DNAH7: variants seen among roughly 807,000 people sequenced by gnomAD.
The protein encoded by DNAH7 is axonemal beta dynein heavy chain 7.
A neutral mutation model predicts 444.6 loss-of-function variants in DNAH7; 397 were observed. That is an observed-to-expected ratio of 0.89 (90% CI 0.82 to 0.97). DNAH7 has a LOEUF of 0.97. DNAH7 is among the 50% of genes least tolerant of loss of function. The pLI is 0.00. For synonymous variants in DNAH7, 1,636 were observed against 1,624.4 expected, an observed-to-expected ratio of 1.01 and a Z score of -0.17; for missense variants, 4,902 against 4,800.8, an observed-to-expected ratio of 1.02 and a Z score of -0.62.
At chr2:195,837,582 A>T (rs1698438808) in intron 47 of DNAH7, among the ~76,000 whole-genome samples, 1 of 152,138 alleles carries the variant, frequency 6.6e-6, no homozygotes, top group Admixed American at 6.6e-5. Context: ...CAATAACTCA[A>T]AATAAGTAAC....
intron 61 of DNAH7, among the ~76,000 whole-genome samples, chr2:195,756,755 G>A (rs111253054): frequency 2.0e-5 from 3 of 152,202 alleles, no homozygotes; most frequent in East Asian, 3.9e-4. Context: ...GGACTTTGGG[G>A]CCGAGGCAGG....
At chr2:195,977,242 T>A (rs1692271481) in intron 15 of DNAH7, among the ~76,000 whole-genome samples, 1 of 152,140 alleles carries the variant, frequency 6.6e-6, no homozygotes, top group Admixed American at 6.5e-5. Context: ...CTCTTTGAAA[T>A]TCAAGATAAC....
In DNAH7 at chr2:195,787,013, A is replaced by G. The variant is rs1695653204; in HGVS notation, c.10875T>C (p.Tyr3625=). The part of the protein sequence containing the change: ...VQQLHMFLNQ[Y]EELPYEALRY... ...CTTGCTGTGATTTTTATGATACCTC[A>G]TACTGGTTCAGGAACATGTGGAGCT... The change falls in exon 58 of 65, where the codon TAT becomes TAC. Residue 3625 remains tyrosine, a synonymous_variant. Transcript: ENST00000312428. 4.4e-6 allele frequency: 7 copies of G among 1,580,634 alleles called. No homozygotes were observed. Among genetic ancestry groups the G allele is most frequent in the Non-Finnish European group, 6.0e-6 (7 of 1,168,152 alleles).
At chr2:195,836,041 G>A (rs745874025) in intron 47 of DNAH7, among the ~76,000 whole-genome samples, 5 of 152,140 alleles carry the variant, frequency 3.3e-5, no homozygotes, top group Non-Finnish European at 7.4e-5. Flanking sequence ...GTTTCAGCAG[G>A]TTTGGTTTTT....
At chr2:196,028,704 G>C (rs11901422) in intron 5 of DNAH7, among the ~76,000 whole-genome samples, 2,713 of 152,286 alleles carry the variant, frequency 0.018, 73 homozygotes, top group African/African-American at 0.061. Flanking sequence ...ATAAGTTGTT[G>C]TGGGATAGCT....
intron 58 of DNAH7, among the ~76,000 whole-genome samples, chr2:195,779,572 C>A (rs115006419): frequency 0.017 from 2,553 of 151,882 alleles, 68 homozygotes; most frequent in African/African-American, 0.058. Context: ...TTTAAACTAG[C>A]CTCCTATCTA....
intron 15 of DNAH7, among the ~76,000 whole-genome samples, chr2:195,983,673 T>C (rs1343779489): frequency 6.6e-6 from 1 of 152,082 alleles, no homozygotes; most frequent in Non-Finnish European, 1.5e-5. Context: ...TCAAACTATA[T>C]CAACTTCAAA....
chr2:196,048,475 G>C, intron 3 of DNAH7, 71 bp from the exon 4 acceptor site: 2 of 1,270,714 alleles, frequency 1.6e-6, no homozygotes, highest in Non-Finnish European at 2.3e-6. Flanking sequence ...AAATGCACGA[G>C]TGTTTATAAA....
intron 62 of DNAH7, among the ~76,000 whole-genome samples, chr2:195,754,880 A>T (rs1028952920): frequency 2.0e-5 from 3 of 152,210 alleles, no homozygotes; most frequent in Non-Finnish European, 4.4e-5. Flanking sequence ...TGTCTTTTAG[A>T]TAAACTAACA....
At chr2:196,048,163 T>C (rs781462656) in intron 4 of DNAH7, 133 bp downstream of exon 4, 57 of 638,052 alleles carry the variant, frequency 8.9e-5, no homozygotes, top group Non-Finnish European at 1.3e-4. Flanking sequence ...GGAAGATGTA[T>C]TGGGAAAATT....
In DNAH7 at chr2:195,936,808, A is replaced by T; in HGVS notation, c.3079-16T>A. 1 of 1,479,654 alleles carries T rather than the reference A, an allele frequency of 6.8e-7. No homozygotes were observed. The highest frequency in any genetic ancestry group is 9.0e-7 in the Non-Finnish European group (1 of 1,114,448). 91.7% of individuals were successfully genotyped at this position (1,479,654 alleles called of 1,614,324 possible). A position where few individuals can be genotyped will look rare whatever the true frequency, so the allele number is the denominator to read the frequency against. On this transcript the variant is annotated splice_polypyrimidine_tract_variant and intron_variant, in intron 19 of 64. Transcript: ENST00000312428. ...CATGTTTATCCTAAAAATAAAAATA[A>T]AAAACACTCAATTCAAAAATATTAG...
At chr2:196,019,099 A>G in intron 9 of DNAH7, 71 bp downstream of exon 9, 2 of 1,321,612 alleles carry the variant, frequency 1.5e-6, no homozygotes, top group Non-Finnish European at 2.0e-6. Flanking sequence ...ATAGTAAAAG[A>G]AATAATTAAG....
At chr2:196,048,056 C>T (rs1015826278) in intron 4 of DNAH7, among the ~76,000 whole-genome samples, 1 of 152,078 alleles carries the variant, frequency 6.6e-6, no homozygotes, top group Non-Finnish European at 1.5e-5. Context: ...AATAAATAAA[C>T]GTTTTAGTAT....
intron 63 of DNAH7, among the ~76,000 whole-genome samples, chr2:195,746,898 A>G (rs1248125551): frequency 1.3e-5 from 2 of 152,166 alleles, no homozygotes; most frequent in Non-Finnish European, 2.9e-5. Flanking sequence ...AAAGTAGGAA[A>G]GATCCAAAAT....
At chr2:195,968,457 T>G (rs780174552) in intron 17 of DNAH7, among the ~76,000 whole-genome samples, 1 of 152,104 alleles carries the variant, frequency 6.6e-6, no homozygotes, top group Non-Finnish European at 1.5e-5. Flanking sequence ...ACCCTGCACG[T>G]TGCCCTGCCC....
At chr2:195,886,329 A>T in intron 33 of DNAH7, 57 bp from the exon 34 acceptor site, 17 of 1,482,886 alleles carry the variant, frequency 1.1e-5, no homozygotes, top group Non-Finnish European at 1.5e-5. Context: ...TAGCTAAAAT[A>T]GCCCCAGCTA....
intron 8 of DNAH7, 27 bp from the exon 9 acceptor site, chr2:196,019,322 C>A (rs1214426650): frequency 6.9e-7 from 1 of 1,439,092 alleles, no homozygotes; most frequent in Admixed American, 2.1e-5. Flanking sequence ...TATTTAGTTA[C>A]AGTCTCAAAA....
chr2:195,775,587 A>G (rs1574412398), intron 60 of DNAH7, among the ~76,000 whole-genome samples: 1 of 152,174 alleles, frequency 6.6e-6, no homozygotes, highest in Non-Finnish European at 1.5e-5. Context: ...AGGCAAAATG[A>G]AACTCCTAGA....
chr2:195,924,593 CA>C (rs1276051887), intron 22 of DNAH7, among the ~76,000 whole-genome samples: 2,411 of 120,526 alleles, frequency 0.02, 54 homozygotes, highest in African/African-American at 0.062. Context: ...GACTCCATCA[CA>C]AAAAAAAAAA....
Sources: allele counts gnomAD v4.1 joint callset (sites outside exome capture counted in the v4.1 genomes callset), GRCh38; gene constraint gnomAD v4.1.1; transcripts MANE v1.5; gene names NCBI Gene and HGNC (gene_info 2026-07-23, HGNC 2026-07-21).